UNC79: variants seen among roughly 807,000 people sequenced by gnomAD.
The protein encoded by UNC79 is protein unc-79 homolog.
UNC79 carries 37 observed loss-of-function variants against 283.1 expected under a neutral mutation model. That is an observed-to-expected ratio of 0.13 (90% CI 0.10 to 0.17). The LOEUF (loss-of-function observed/expected upper bound fraction) is 0.17. Ranked by LOEUF, UNC79 falls within the 10% of genes least tolerant of loss-of-function variation. The probability of loss-of-function intolerance (pLI) is 1.00; values close to 1 mark genes in which losing one functional copy is unlikely to be tolerated. For missense variants in UNC79, 2,272 were observed against 3,211.1 expected, an observed-to-expected ratio of 0.71 and a Z score of 7.07; for synonymous variants, 1,107 against 1,200.2, an observed-to-expected ratio of 0.92 and a Z score of 1.61.
intron 1 of UNC79, among the ~76,000 whole-genome samples, chr14:93,414,490 G>C (rs935798184): frequency 6.6e-6 from 1 of 152,154 alleles, no homozygotes; most frequent in Non-Finnish European, 1.5e-5. Context: ...TTTTGGCTTA[G>C]GATTGACTTG....
At chr14:93,456,403 G>A (rs969691312) in intron 1 of UNC79, among the ~76,000 whole-genome samples, 4 of 152,108 alleles carry the variant, frequency 2.6e-5, no homozygotes, top group Non-Finnish European at 4.4e-5. Context: ...GAGAAAGAGT[G>A]GAAGGGGACA....
intron 22 of UNC79, among the ~76,000 whole-genome samples, chr14:93,591,342 C>A (rs1329069221): frequency 6.6e-6 from 1 of 152,172 alleles, no homozygotes; most frequent in African/African-American, 2.4e-5. Flanking sequence ...GTGCTGACCC[C>A]TGTGCAGTTG....
chr14:93,705,753 T>G (rs1054863398), intron 48 of UNC79, among the ~76,000 whole-genome samples: 1 of 152,260 alleles, frequency 6.6e-6, no homozygotes, highest in Non-Finnish European at 1.5e-5. Context: ...AACCGGGTCC[T>G]GTCTGTAGCA....
At chr14:93,467,780 G>C (rs1420419331) in exon 2 of UNC79, 14 of 1,503,790 alleles carry the variant, frequency 9.3e-6, no homozygotes, top group Non-Finnish European at 1.1e-5. Flanking sequence ...ACTTTTCTCA[G>C]ACCTTGTTAA....
chr14:93,538,299 T>C, intron 12 of UNC79, 81 bp downstream of exon 12: 2 of 1,356,698 alleles, frequency 1.5e-6, no homozygotes, highest in Non-Finnish European at 2.0e-6. Flanking sequence ...GATGTGCATA[T>C]TTAATGCAAC....
chr14:93,389,319 C>A (rs2054837894), intron 1 of UNC79, among the ~76,000 whole-genome samples: 1 of 152,140 alleles, frequency 6.6e-6, no homozygotes, highest in Non-Finnish European at 1.5e-5. Context: ...TATGGTTTTT[C>A]ATCTCATGAT....
intron 1 of UNC79, among the ~76,000 whole-genome samples, chr14:93,354,828 A>G (rs974997938): frequency 6.6e-5 from 10 of 152,138 alleles, no homozygotes; most frequent in Admixed American, 6.5e-4. Flanking sequence ...AGAGATATTC[A>G]GTCTATACAG....
At chr14:93,373,633 A>T (rs6575328) in intron 1 of UNC79, among the ~76,000 whole-genome samples, 1 of 151,698 alleles carries the variant, frequency 6.6e-6, no homozygotes, top group Non-Finnish European at 1.5e-5. Flanking sequence ...AAAATAGAAA[A>T]CACCAAGCCC....
chr14:93,664,598 A>C (rs2071964029), intron 40 of UNC79, among the ~76,000 whole-genome samples: 1 of 152,182 alleles, frequency 6.6e-6, no homozygotes, highest in Non-Finnish European at 1.5e-5. Flanking sequence ...GTGGTTTGGA[A>C]AGAATACATT....
intron 5 of UNC79, among the ~76,000 whole-genome samples, chr14:93,488,498 G>GT (rs144114616): frequency 0.14 from 21,377 of 150,430 alleles, 2,205 homozygotes; most frequent in African/African-American, 0.29. Context: ...GTGACACTGT[G>GT]GTTTTTTTTT....
At chr14:93,523,094 G>A (rs1369741715) in intron 7 of UNC79, among the ~76,000 whole-genome samples, 2 of 152,134 alleles carry the variant, frequency 1.3e-5, no homozygotes, top group Non-Finnish European at 2.9e-5. Context: ...TTAGAAAAAT[G>A]TCCTACTTTC....
intron 39 of UNC79, 67 bp from the exon 43 acceptor site, chr14:93,662,537 A>G: frequency 1.8e-6 from 2 of 1,125,188 alleles, no homozygotes; most frequent in South Asian, 3.2e-5. Context: ...GTATCATAAG[A>G]TTTTAATACT....
At chr14:93,538,804 CAAAAAAA>C (rs534706329) in intron 12 of UNC79, among the ~76,000 whole-genome samples, 5 of 111,400 alleles carry the variant, frequency 4.5e-5, no homozygotes, top group African/African-American at 1.7e-4. Context: ...ATCACATGAC[CAAAAAAA>C]AAAAAAAAAA....
At chr14:93,529,229 A>G (rs371430033) in intron 9 of UNC79, 57 bp from the exon 10 acceptor site, 3 of 1,588,306 alleles carry the variant, frequency 1.9e-6, no homozygotes, top group Non-Finnish European at 2.6e-6. Flanking sequence ...ATAAACATTC[A>G]TGTGGAAGGA....
At chr14:93,565,481 G>A (rs2062820023) in intron 14 of UNC79, among the ~76,000 whole-genome samples, 1 of 152,114 alleles carries the variant, frequency 6.6e-6, no homozygotes, top group Admixed American at 6.5e-5. Context: ...CAATAAGCAG[G>A]CACTGGCTAT....
In UNC79 at chr14:93,479,067, A is replaced by G. The variant is rs112598267; in HGVS notation, c.619+1339A>G. 9.0e-3 allele frequency among the ~76,000 whole-genome samples: 1,375 copies of G among 152,280 alleles called. 20 individuals are homozygous for G. Among genetic ancestry groups the G allele is most frequent in the African/African-American group, 0.032 (1,314 of 41,548 alleles). On this transcript the variant is annotated intron_variant, in intron 4 of 48. Transcript: ENST00000555664. Reference sequence around the variant, plus strand: ...CTTACTGACAAGTACTCATTTCTTGATATCGTTTTAGAATTGCATAGTCAT... The same window carrying G: ...CTTACTGACAAGTACTCATTTCTTGGTATCGTTTTAGAATTGCATAGTCAT...
chr14:93,401,997 G>A (rs555251827), intron 1 of UNC79, among the ~76,000 whole-genome samples: 1 of 152,104 alleles, frequency 6.6e-6, no homozygotes, highest in African/African-American at 2.4e-5. Context: ...TACAGCATAG[G>A]CCGGGTATGG....
rs2074397064 is a variant in UNC79 at position 93,688,167 on chromosome 14, C to T, written c.6910-498C>T. 6.6e-6 allele frequency among the ~76,000 whole-genome samples: 1 copy of T among 152,192 alleles called. No homozygotes were observed. ...TGAGCAAAAGCGGACACAGTAGCTG[C>T]TCTCATTTAATTTATAGTCTGGTAG... is the stretch of plus-strand genomic sequence containing the variant. On this transcript the variant is annotated intron_variant, in intron 43 of 48. Transcript: ENST00000555664. This position sits in a 1 kb window ranked among gnomAD's most constrained non-coding sequence, Gnocchi z 4.0.
chr14:93,503,086 C>T (rs1218821193), intron 7 of UNC79, among the ~76,000 whole-genome samples: 3 of 152,174 alleles, frequency 2.0e-5, no homozygotes, highest in African/African-American at 7.2e-5. Context: ...TTCCCTCTTA[C>T]ACCCCAAAGG....
Sources: gnomAD v4.1 joint callset for allele counts (sites outside exome capture counted in the v4.1 genomes callset) on GRCh38, gnomAD v4.1.1 for gene constraint, Gnocchi (gnomAD v3.1) non-coding constraint, MANE v1.5 for transcripts, NCBI Gene and HGNC (gene_info 2026-07-23, HGNC 2026-07-21) for gene names.